STK24: variants seen among roughly 807,000 people sequenced by gnomAD.
The protein encoded by STK24 is serine/threonine kinase 24.
Under a neutral mutation model 55.6 loss-of-function variants are expected in STK24, and 21 were observed. The observed-to-expected ratio is 0.38, with a 90% confidence interval of 0.27 to 0.54. The LOEUF (loss-of-function observed/expected upper bound fraction) is 0.54. Ranked by LOEUF, STK24 falls within the 20% of genes least tolerant of loss-of-function variation. STK24 has a pLI of 0.79. For synonymous variants in STK24, 200 were observed against 215.2 expected, an observed-to-expected ratio of 0.93 and a Z score of 0.62; for missense variants, 383 against 538.4, an observed-to-expected ratio of 0.71 and a Z score of 2.86.
chr13:98,518,940 T>C (rs1235552634), intron 2 of STK24, among the ~76,000 whole-genome samples: 2 of 149,468 alleles, frequency 1.3e-5, no homozygotes, highest in African/African-American at 4.9e-5. Flanking sequence ...AGTCCTAAAA[T>C]TAGGTGAATA....
Position 98,448,139 on chromosome 13 carries a change from G to A in STK24, c.*5034C>T. ...GAAGTGGCAGATTACCAACCAGGCGGCCTGACTTCACCTTGTGTTTCTGTA... is the reference window on the plus strand; with the variant it reads ...GAAGTGGCAGATTACCAACCAGGCGACCTGACTTCACCTTGTGTTTCTGTA... On this transcript the variant is annotated 3_prime_UTR_variant, in exon 11 of 11. Coordinates refer to ENST00000539966, the MANE Select transcript of STK24 (RefSeq NM_001032296.4). 2 of 1,020,628 alleles carry A rather than the reference G, an allele frequency of 2.0e-6. No homozygotes were observed. Among genetic ancestry groups the A allele is most frequent in the Non-Finnish European group, 3.1e-6 (2 of 646,436 alleles). The allele number at this position is 1,020,628 out of a possible 1,614,324, so 63.2% of individuals were successfully genotyped here.
At chr13:98,537,451 C>G (rs1399817429) in intron 1 of STK24, among the ~76,000 whole-genome samples, 4 of 152,188 alleles carry the variant, frequency 2.6e-5, no homozygotes, top group Non-Finnish European at 4.4e-5. Context: ...ACAAGTGAGG[C>G]GAGTGCAGCT....
intron 1 of STK24, among the ~76,000 whole-genome samples, chr13:98,546,151 G>T (rs1231158980): frequency 6.6e-6 from 1 of 152,158 alleles, no homozygotes; most frequent in Non-Finnish European, 1.5e-5. Flanking sequence ...GGCTGGGCAG[G>T]GTGCTGGGGT....
intron 1 of STK24, among the ~76,000 whole-genome samples, chr13:98,529,286 T>C (rs139910206): frequency 7.6e-4 from 115 of 152,280 alleles, no homozygotes; most frequent in African/African-American, 2.7e-3. Flanking sequence ...AACCGCGTCA[T>C]GGTTCTTCCG....
chr13:98,563,500 A>T, intron 1 of STK24, among the ~76,000 whole-genome samples: 1 of 152,142 alleles, frequency 6.6e-6, no homozygotes, highest in East Asian at 1.9e-4. Context: ...CCTCTTCCTG[A>T]TGTGGTCAAT....
intron 2 of STK24, among the ~76,000 whole-genome samples, chr13:98,489,377 A>G (rs1488170173): frequency 2.0e-5 from 3 of 152,220 alleles, no homozygotes; most frequent in Non-Finnish European, 4.4e-5. Context: ...TGCAGGAACC[A>G]TTCCTGAGCT....
chr13:98,525,579 C>G (rs1369733205), intron 1 of STK24, among the ~76,000 whole-genome samples: 2 of 152,184 alleles, frequency 1.3e-5, no homozygotes, highest in African/African-American at 4.8e-5. Context: ...CAATTAGATG[C>G]CTTGTCCCTA....
chr13:98,537,002 C>T (rs140134937), intron 1 of STK24, among the ~76,000 whole-genome samples: 1 of 152,324 alleles, frequency 6.6e-6, no homozygotes, highest in African/African-American at 2.4e-5. Context: ...CTCCTTACCT[C>T]CCCCAAACCC....
intron 1 of STK24, among the ~76,000 whole-genome samples, chr13:98,562,505 CAAG>C (rs1897450992): frequency 1.3e-5 from 2 of 152,150 alleles, no homozygotes; most frequent in South Asian, 2.1e-4. Context: ...ATGACAAACT[CAAG>C]AAGAATTATT....
At chr13:98,508,590 A>G (rs1895775547) in intron 2 of STK24, among the ~76,000 whole-genome samples, 1 of 152,084 alleles carries the variant, frequency 6.6e-6, no homozygotes, top group Non-Finnish European at 1.5e-5. Flanking sequence ...ACTTATTGCT[A>G]TTGTCCGGGA....
At position 98,449,821 on chromosome 13, in the gene STK24, G is replaced by A. The variant is rs1211921186; in HGVS notation, c.*3352C>T. The A allele has an allele frequency of 2.0e-5, 3 of 152,248 alleles. No homozygotes were observed. Among genetic ancestry groups the A allele is most frequent in the African/African-American group, 7.3e-5 (3 of 41,312 alleles). 9.4% of individuals were successfully genotyped at this position (152,248 alleles called of 1,614,324 possible). On this transcript the variant is annotated 3_prime_UTR_variant, in exon 11 of 11. Coordinates refer to ENST00000539966, the MANE Select transcript of STK24 (RefSeq NM_001032296.4). ...CTGTGTGGGGGGGGAGGGGGGAAGGGGACACTCCAGCAAGGGTTTCTAAAG... is the reference window on the plus strand; with the variant it reads ...CTGTGTGGGGGGGGAGGGGGGAAGGAGACACTCCAGCAAGGGTTTCTAAAG...
intron 2 of STK24, among the ~76,000 whole-genome samples, chr13:98,516,873 G>A (rs1159143673): frequency 1.3e-5 from 2 of 152,150 alleles, no homozygotes; most frequent in Non-Finnish European, 2.9e-5. Flanking sequence ...ACAAAATACC[G>A]GGGCAACCTT....
chr13:98,476,441 A>G (rs1438898731), intron 3 of STK24, among the ~76,000 whole-genome samples: 1 of 152,206 alleles, frequency 6.6e-6, no homozygotes, highest in African/African-American at 2.4e-5. Context: ...ATGTCTTCAC[A>G]GCCCACACCC....
intron 3 of STK24, among the ~76,000 whole-genome samples, chr13:98,477,538 G>A (rs1243111873): frequency 6.6e-6 from 1 of 152,106 alleles, no homozygotes; most frequent in Non-Finnish European, 1.5e-5. Context: ...AGCCGGGCAT[G>A]ATGGCACATG....
At chr13:98,462,971 C>CG (rs1226117302) in intron 7 of STK24, among the ~76,000 whole-genome samples, 1 of 152,134 alleles carries the variant, frequency 6.6e-6, no homozygotes, top group Non-Finnish European at 1.5e-5. Flanking sequence ...CAAGAACTTC[C>CG]GGGGGCAGTG....
At chr13:98,522,215 C>A (rs1428630059) in intron 1 of STK24, 5 of 462,284 alleles carry the variant, frequency 1.1e-5, no homozygotes, top group African/African-American at 4.2e-5. Flanking sequence ...TTCTTCCAGT[C>A]CCTCTAGTTC....
At position 98,451,337 on chromosome 13, in the gene STK24, AAC is replaced by A. The variant is rs1312965252; in HGVS notation, c.*1834_*1835del. 1.3e-5 allele frequency: 2 copies of A among 152,208 alleles called. No individual in the cohort carries two copies. The highest frequency in any genetic ancestry group is 2.4e-5 in the African/African-American group (1 of 41,446). 9.4% of individuals were successfully genotyped at this position (152,208 alleles called of 1,614,324 possible). On this transcript the variant is annotated 3_prime_UTR_variant, in exon 11 of 11. Coordinates refer to ENST00000539966, the MANE Select transcript of STK24 (RefSeq NM_001032296.4). ...TTCCCCACACAGAATACTCCCTGGAAACACAAAATGAAATCTTCTCCAATTTT... is the reference window on the plus strand; with the variant it reads ...TTCCCCACACAGAATACTCCCTGGAAACAAAATGAAATCTTCTCCAATTTT...
intron 2 of STK24, among the ~76,000 whole-genome samples, chr13:98,496,891 G>A (rs1293464863): frequency 2.6e-5 from 4 of 152,112 alleles, no homozygotes; most frequent in Non-Finnish European, 4.4e-5. Context: ...AAAAACCTAA[G>A]AAAACAACGC....
rs950579814 is a variant in STK24, at chr13:98,525,748, G to A, written c.43-6275C>T. 3.9e-5 allele frequency among the ~76,000 whole-genome samples: 6 copies of A among 152,206 alleles called. 1 individual carries two copies. The highest frequency in any genetic ancestry group is 1.4e-4 in the African/African-American group (6 of 41,448). On this transcript the variant is annotated intron_variant, in intron 1 of 10. Transcript: ENST00000539966. ...GAGCCCTGGGGCTTGCTCCTCTGAG[G>A]AAAGGGTTCAGGGATAAAAAGACAA... is the stretch of plus-strand genomic sequence containing the variant.
Sources: gnomAD v4.1 joint callset for allele counts (sites outside exome capture counted in the v4.1 genomes callset) on GRCh38, gnomAD v4.1.1 for gene constraint, MANE v1.5 for transcripts, NCBI Gene and HGNC (gene_info 2026-07-23, HGNC 2026-07-21) for gene names.